IL1RAPL2: variants seen among roughly 807,000 people sequenced by gnomAD.
IL1RAPL2 encodes the protein interleukin 1 receptor accessory protein like 2.
IL1RAPL2 carries 3 observed loss-of-function variants against 44.1 expected under a neutral mutation model. The observed-to-expected ratio is 0.07, with a 90% CI of 0.03 to 0.18. IL1RAPL2 has a LOEUF of 0.18. IL1RAPL2 is among the 10% of genes least tolerant of loss of function. The pLI is 1.00. For synonymous variants in IL1RAPL2, 181 were observed against 178.8 expected (o/e 1.01, Z -0.10); for missense variants, 391 against 496.4 (o/e 0.79, Z 2.02).
intron 5 of IL1RAPL2, among the ~76,000 whole-genome samples, chrX:105,295,923 A>G (rs766264652): frequency 2.7e-5 from 3 of 111,361 alleles, no homozygotes; most frequent in South Asian, 3.8e-4. Context: ...CTAACCACCC[A>G]AAGTGATCTG....
At chrX:104,909,624 C>T (rs1008253833) in intron 2 of IL1RAPL2, among the ~76,000 whole-genome samples, 21 of 111,695 alleles carry the variant, frequency 1.9e-4, no homozygotes, top group African/African-American at 5.9e-4. Context: ...TCAGTGTGCT[C>T]CTGTTGGGGG....
intron 2 of IL1RAPL2, among the ~76,000 whole-genome samples, chrX:104,874,701 A>G (rs1051408413): frequency 3.6e-5 from 4 of 111,661 alleles, no homozygotes; most frequent in African/African-American, 9.8e-5. Flanking sequence ...AATGATGATG[A>G]TACTAGAAAG....
intron 2 of IL1RAPL2, among the ~76,000 whole-genome samples, chrX:104,660,175 A>G (rs1930362535): frequency 9.0e-6 from 1 of 111,148 alleles, no homozygotes; most frequent in Middle Eastern, 4.2e-3. Flanking sequence ...TGTGTTTAAT[A>G]TTTTACCTAT....
At chrX:105,050,571 T>C (rs1391942785) in intron 2 of IL1RAPL2, among the ~76,000 whole-genome samples, 2 of 112,007 alleles carry the variant, frequency 1.8e-5, no homozygotes, top group African/African-American at 6.5e-5. Context: ...TGGACATAGA[T>C]GTTTACACAT....
chrX:105,660,619 TAAG>T (rs893145548), intron 6 of IL1RAPL2, among the ~76,000 whole-genome samples: 4 of 111,399 alleles, frequency 3.6e-5, no homozygotes, highest in African/African-American at 1.3e-4. Flanking sequence ...TTAAAAAAGT[TAAG>T]AAGCAGAGGG....
chrX:105,704,159 C>G (rs1286214199), intron 6 of IL1RAPL2, among the ~76,000 whole-genome samples: 1 of 111,594 alleles, frequency 9.0e-6, no homozygotes, highest in African/African-American at 3.3e-5. Flanking sequence ...TTGTACATTC[C>G]AAACAAATTG....
chrX:105,263,434 T>A (rs898516194), intron 4 of IL1RAPL2, among the ~76,000 whole-genome samples: 5 of 111,904 alleles, frequency 4.5e-5, no homozygotes. Context: ...TGAATGGCAC[T>A]AAAGTAACCA....
At chrX:104,615,475 A>T (rs1334355502) in intron 1 of IL1RAPL2, among the ~76,000 whole-genome samples, 1 of 108,652 alleles carries the variant, frequency 9.2e-6, no homozygotes, top group Non-Finnish European at 1.9e-5. Context: ...GAGAACATGA[A>T]GTGTTTAGTT....
At chrX:105,511,605 A>G (rs1195054749) in intron 6 of IL1RAPL2, among the ~76,000 whole-genome samples, 1 of 111,681 alleles carries the variant, frequency 9.0e-6, no homozygotes, top group East Asian at 2.9e-4. Context: ...GACTTTGGCC[A>G]TGGACCAGAA....
intron 3 of IL1RAPL2, among the ~76,000 whole-genome samples, chrX:105,201,417 C>CA (rs202023800): frequency 0.012 from 1,358 of 110,352 alleles, 26 homozygotes; most frequent in African/African-American, 0.043. Context: ...TAGTCCATAA[C>CA]AAAAAAAAGA....
chrX:104,785,190 A>T (rs752957518), intron 2 of IL1RAPL2, among the ~76,000 whole-genome samples: 1 of 109,881 alleles, frequency 9.1e-6, no homozygotes, highest in South Asian at 4.0e-4. Flanking sequence ...TAAAAAAAAA[A>T]TTTGGTAGAG....
At chrX:104,970,446 G>T (rs1478205818) in intron 2 of IL1RAPL2, among the ~76,000 whole-genome samples, 1 of 111,902 alleles carries the variant, frequency 8.9e-6, no homozygotes, top group Non-Finnish European at 1.9e-5. Flanking sequence ...GCAGAGCAGG[G>T]CTACCCCACA....
intron 5 of IL1RAPL2, among the ~76,000 whole-genome samples, chrX:105,331,205 C>T (rs947332837): frequency 1.4e-4 from 16 of 111,023 alleles, no homozygotes; most frequent in Non-Finnish European, 2.8e-4. Flanking sequence ...ATGGCTTATG[C>T]ATGGTCTGTC....
intron 1 of IL1RAPL2, among the ~76,000 whole-genome samples, chrX:104,582,502 C>T (rs1419633838): frequency 9.1e-6 from 1 of 109,938 alleles, no homozygotes; most frequent in Non-Finnish European, 1.9e-5. Flanking sequence ...TTTTCTCTCT[C>T]TCTCTCTCTC....
At chrX:104,634,837 T>C (rs1929754972) in intron 1 of IL1RAPL2, among the ~76,000 whole-genome samples, 1 of 111,895 alleles carries the variant, frequency 8.9e-6, no homozygotes, top group Non-Finnish European at 1.9e-5. Context: ...ATTCAGCCCA[T>C]TTACATTTAA....
At chrX:105,576,998 T>C (rs1403541787) in intron 6 of IL1RAPL2, among the ~76,000 whole-genome samples, 1 of 111,447 alleles carries the variant, frequency 9.0e-6, no homozygotes, top group African/African-American at 3.3e-5. Flanking sequence ...TATTTTATCA[T>C]TGATATTCCC....
In IL1RAPL2 at chrX:105,094,544, T is replaced by C. The variant is rs148179668; in HGVS notation, c.83-100931T>C. ...GACTGTCAGTTCTACTCCATTGATCTATGCATCTATCCTTTTGCCAGTATT... is the reference window on the plus strand; with the variant it reads ...GACTGTCAGTTCTACTCCATTGATCCATGCATCTATCCTTTTGCCAGTATT... On this transcript the variant is annotated intron_variant, in intron 2 of 10. Transcript: ENST00000372582. Among the ~76,000 whole-genome samples, 8 of 111,875 alleles carry C rather than the reference T, an allele frequency of 7.2e-5. No individual in the cohort carries two copies. The East Asian group carries it at 2.2e-3, about 31-fold the overall frequency.
chrX:105,354,399 A>G lies in IL1RAPL2; in HGVS notation c.697+86858A>G, dbSNP rs998917799. 7.2e-4 allele frequency among the ~76,000 whole-genome samples: 77 copies of G among 107,394 alleles called. 1 individual carries two copies. The highest frequency in any genetic ancestry group is 3.1e-4 in the Non-Finnish European group (16 of 52,044). The allele number at this position is 107,394 out of a possible 115,157, so 93.3% of individuals were successfully genotyped here. On this transcript the variant is annotated intron_variant, in intron 5 of 10. Transcript: ENST00000372582. ...CCATCATTCTCAGCAAACTATCCCA[A>G]GGACAAAAAACCAAACACTGCATGT...
intron 2 of IL1RAPL2, among the ~76,000 whole-genome samples, chrX:104,878,862 T>G (rs1922981628): frequency 9.0e-6 from 1 of 111,074 alleles, no homozygotes; most frequent in Non-Finnish European, 1.9e-5. Context: ...GAACAAATTT[T>G]GATGGGAGCA....
Sources: gnomAD v4.1 joint callset for allele counts (sites outside exome capture counted in the v4.1 genomes callset) on GRCh38, gnomAD v4.1.1 for gene constraint, MANE v1.5 for transcripts, NCBI Gene and HGNC (gene_info 2026-07-23, HGNC 2026-07-21) for gene names.